Variants in LIPA observed in about 807,000 individuals in gnomAD.
LIPA encodes the protein lysosomal acid lipase/cholesteryl ester hydrolase.
A neutral mutation model predicts 40.6 loss-of-function variants in LIPA; 26 were observed. The observed-to-expected ratio is 0.64, with a 90% CI of 0.47 to 0.89. LIPA has a LOEUF of 0.89. Among genes scored for constraint, LIPA ranks in the 40% least tolerant of loss-of-function variants. LIPA has a pLI of 0.00. For synonymous variants in LIPA, 188 were observed against 168.4 expected, an observed-to-expected ratio of 1.12 and a Z score of -0.90; for missense variants, 455 against 479.6, an observed-to-expected ratio of 0.95 and a Z score of 0.48.
chr10:89,412,980 A>C (rs1841487521), intron 1 of LIPA: 1 of 184,366 alleles, frequency 5.4e-6, no homozygotes, highest in Non-Finnish European at 1.2e-5. Flanking sequence ...AGCATCACTT[A>C]GCTATACTTC....
intron 3 of LIPA, among the ~76,000 whole-genome samples, chr10:89,231,418 T>G (rs984512538): frequency 2.6e-5 from 4 of 151,516 alleles, no homozygotes; most frequent in African/African-American, 9.8e-5. Context: ...GGGGGTGCTA[T>G]ACCCTCGTGT....
chr10:89,281,347 C>T (rs140232327), intron 1 of LIPA, among the ~76,000 whole-genome samples: 30 of 152,294 alleles, frequency 2.0e-4, no homozygotes, highest in Non-Finnish European at 2.9e-4. Flanking sequence ...TTTCCATCCA[C>T]TCCTTCATCC....
intron 2 of LIPA, among the ~76,000 whole-genome samples, chr10:89,396,498 C>A (rs985810944): frequency 6.6e-6 from 1 of 152,106 alleles, no homozygotes; most frequent in Admixed American, 6.5e-5. Flanking sequence ...ATTATAACAA[C>A]CCATTCTCAA....
chr10:89,390,741 C>G (rs1844241333), intron 2 of LIPA, among the ~76,000 whole-genome samples: 1 of 152,158 alleles, frequency 6.6e-6, no homozygotes, highest in African/African-American at 2.4e-5. Flanking sequence ...GGGCCATAGC[C>G]CCGTAGAACC....
upstream of LIPA, among the ~76,000 whole-genome samples, chr10:89,344,058 C>T (rs532152366): frequency 7.8e-4 from 118 of 152,208 alleles, 1 homozygote; most frequent in African/African-American, 2.7e-3. Flanking sequence ...CTCTGTGACC[C>T]TAAGATATTC....
At chr10:89,264,958 A>G (rs1843227634) in intron 1 of LIPA, among the ~76,000 whole-genome samples, 1 of 152,120 alleles carries the variant, frequency 6.6e-6, no homozygotes, top group South Asian at 2.1e-4. Flanking sequence ...GCCCATGCTA[A>G]GCAACCCTCA....
At chr10:89,300,893 G>A (rs770170428) in intron 1 of LIPA, among the ~76,000 whole-genome samples, 6 of 152,088 alleles carry the variant, frequency 3.9e-5, no homozygotes, top group African/African-American at 7.2e-5. Context: ...AGGCTGAGGC[G>A]AATCACTTGA....
intron 1 of LIPA, among the ~76,000 whole-genome samples, chr10:89,304,258 A>ACCCCAGGCGCGGGAGCC (rs1843463595): frequency 6.6e-6 from 1 of 150,418 alleles, no homozygotes; most frequent in Non-Finnish European, 1.5e-5. Context: ...GATGTAACTA[A>ACCCCAGGCGCGGGAGCC]CCCCAGGTGC....
chr10:89,277,063 A>G (rs962775170), intron 1 of LIPA, among the ~76,000 whole-genome samples: 2 of 152,224 alleles, frequency 1.3e-5, no homozygotes, highest in Admixed American at 6.5e-5. Flanking sequence ...TGTTTTTATT[A>G]GATGAATGCC....
At chr10:89,393,265 T>A in intron 2 of LIPA, 1 of 1,289,682 alleles carries the variant, frequency 7.8e-7, no homozygotes, top group South Asian at 1.2e-5. Context: ...ACTGCTGGCC[T>A]CTTACAACAG....
At chr10:89,225,321 G>T in intron 5 of LIPA, 93 bp from the exon 6 acceptor site, 1 of 1,166,454 alleles carries the variant, frequency 8.6e-7, no homozygotes, top group East Asian at 2.4e-5. Flanking sequence ...GCCCTCTCGC[G>T]GAGGCCTGAG....
intron 2 of LIPA, 114 bp from the exon 3 acceptor site, chr10:89,245,907 T>C (rs1843018394): frequency 1.3e-6 from 1 of 752,442 alleles, no homozygotes; most frequent in East Asian, 2.5e-5. Flanking sequence ...AAAGCATTTG[T>C]CATTGAAATT....
chr10:89,228,395 G>A lies in LIPA; in HGVS notation c.233C>T (p.Pro78Leu). ...ATGTTGCAGGAAGACAACTGGTTTG[G>A]GACCTGAAAAACATTCATTGTTTAG... Reference protein sequence around the residue: ...HGRKNHSDKGPKPVVFLQHGL... With the variant: ...HGRKNHSDKGLKPVVFLQHGL... The change falls in exon 4 of 10, where the codon CCC (proline) becomes CTC (leucine). Residue 78 changes from proline (P) to leucine (L), a missense_variant. By Grantham distance (98) the Pro-to-Leu change is moderately conservative (BLOSUM62 -3). Transcript: ENST00000336233. 6.2e-7 allele frequency: 1 copy of A among 1,614,098 alleles called. No individual in the cohort carries two copies. Among genetic ancestry groups the A allele is most frequent in the Non-Finnish European group, 8.5e-7 (1 of 1,179,980 alleles).
At chr10:89,301,098 A>G (rs914463277) in intron 1 of LIPA, among the ~76,000 whole-genome samples, 4 of 152,228 alleles carry the variant, frequency 2.6e-5, no homozygotes, top group Non-Finnish European at 4.4e-5. Context: ...TCCCAACACC[A>G]CAATAAACCA....
chr10:89,353,401 A>G (rs924195107), intron 2 of LIPA, among the ~76,000 whole-genome samples: 1 of 152,220 alleles, frequency 6.6e-6, no homozygotes, highest in Non-Finnish European at 1.5e-5. Context: ...ATGCAGCCCC[A>G]GCCCCTCCCA....
At chr10:89,286,101 C>A (rs1279003957) in intron 1 of LIPA, among the ~76,000 whole-genome samples, 1 of 152,142 alleles carries the variant, frequency 6.6e-6, no homozygotes. Context: ...CTCCATCCTA[C>A]AACACCTAGA....
chr10:89,344,400 T>C (rs1254158449), upstream of LIPA, among the ~76,000 whole-genome samples: 3 of 152,166 alleles, frequency 2.0e-5, no homozygotes, highest in Admixed American at 2.0e-4. Context: ...ACGTGGTACA[T>C]TGTATCATAG....
chr10:89,401,062 T>C (rs962522347), intron 2 of LIPA, among the ~76,000 whole-genome samples: 6 of 152,098 alleles, frequency 3.9e-5, no homozygotes, highest in Admixed American at 1.3e-4. Context: ...GTATATTACA[T>C]TGATTAATTT....
intron 2 of LIPA, among the ~76,000 whole-genome samples, chr10:89,370,111 T>A (rs893634241): frequency 2.0e-5 from 3 of 152,266 alleles, no homozygotes; most frequent in Non-Finnish European, 2.9e-5. Context: ...TTTAAATTAA[T>A]TAAAATAAAA....
Sources: gnomAD v4.1 joint callset for allele counts (sites outside exome capture counted in the v4.1 genomes callset) on GRCh38, gnomAD v4.1.1 for gene constraint, MANE v1.5 for transcripts, NCBI Gene and HGNC (gene_info 2026-07-23, HGNC 2026-07-21) for gene names.